Variants in ZRANB3 observed in about 807,000 individuals in gnomAD.
ZRANB3 encodes the protein DNA annealing helicase and endonuclease ZRANB3.
ZRANB3 carries 125 observed loss-of-function variants against 133.8 expected under a neutral mutation model. That is an observed-to-expected ratio of 0.93 (90% CI 0.81 to 1.08). ZRANB3 has a LOEUF of 1.08. Ranked by LOEUF, ZRANB3 falls within the 50% of genes least tolerant of loss-of-function variation. The pLI is 0.00. For missense variants in ZRANB3, 1,229 were observed against 1,275.5 expected (o/e 0.96, Z 0.56); for synonymous variants, 387 against 432.7 (o/e 0.89, Z 1.31).
At chr2:135,411,311 G>T (rs1227062008) in intron 2 of ZRANB3, among the ~76,000 whole-genome samples, 1 of 152,080 alleles carries the variant, frequency 6.6e-6, no homozygotes, top group Non-Finnish European at 1.5e-5. Flanking sequence ...ACTGCTGAGG[G>T]GGGAGGTGAG....
intron 1 of ZRANB3, among the ~76,000 whole-genome samples, chr2:135,525,288 C>A (rs1308557954): frequency 6.6e-6 from 1 of 151,950 alleles, no homozygotes; most frequent in African/African-American, 2.4e-5. Flanking sequence ...ATATAATGAA[C>A]CATCACCTTT....
intron 2 of ZRANB3, among the ~76,000 whole-genome samples, chr2:135,397,422 T>G (rs946622323): frequency 1.6e-4 from 24 of 146,546 alleles, no homozygotes; most frequent in Middle Eastern, 3.6e-3. Context: ...CACTTCAGCC[T>G]GGGCAAGAAA....
intron 8 of ZRANB3, among the ~76,000 whole-genome samples, chr2:135,298,317 T>C (rs184876220): frequency 6.6e-6 from 1 of 152,346 alleles, no homozygotes; most frequent in African/African-American, 2.4e-5. Context: ...ATTCTTTTTC[T>C]GGCACTTCAG....
rs544689902 is a variant in ZRANB3 at position 135,299,594 on chromosome 2, C to T, written c.966+13895G>A. Among the ~76,000 whole-genome samples the T allele has an allele frequency of 1.8e-4, 27 of 152,242 alleles. No individual in the cohort carries two copies. In the East Asian group the frequency reaches 1.9e-3, roughly 11 times the overall value. The stretch of plus-strand genomic sequence containing the variant: ...CAGTTCCACTGGAAGCCCTCCCTAT[C>T]GTCATTATTTACTATTTATCATTAC... On this transcript the variant is annotated intron_variant, in intron 8 of 20. Coordinates refer to ENST00000264159, the MANE Select transcript of ZRANB3 (RefSeq NM_032143.4).
At chr2:135,352,225 G>A (rs189036882) in intron 4 of ZRANB3, among the ~76,000 whole-genome samples, 78 of 151,870 alleles carry the variant, frequency 5.1e-4, no homozygotes, top group Non-Finnish European at 7.4e-5. Flanking sequence ...CCAGCTACTC[G>A]GGAGGCTGAG....
intron 2 of ZRANB3, among the ~76,000 whole-genome samples, chr2:135,491,564 A>G (rs1327426098): frequency 1.3e-5 from 2 of 151,702 alleles, no homozygotes; most frequent in Non-Finnish European, 2.9e-5. Flanking sequence ...CCCAGGCTGG[A>G]GTGCAGTGGC....
chr2:135,520,205 G>A (rs192863782), intron 1 of ZRANB3, among the ~76,000 whole-genome samples: 257 of 151,548 alleles, frequency 1.7e-3, no homozygotes, highest in African/African-American at 5.9e-3. Flanking sequence ...CAAACATAGC[G>A]AAAACCCATC....
intron 8 of ZRANB3, among the ~76,000 whole-genome samples, chr2:135,284,878 T>A (rs190486959): frequency 6.3e-4 from 95 of 151,306 alleles, no homozygotes; most frequent in Admixed American, 3.3e-4. Flanking sequence ...AGAGTTTTGC[T>A]CTTGTTGCCT....
chr2:135,219,373 C>G (rs1418184094), intron 15 of ZRANB3, among the ~76,000 whole-genome samples, 195 bp from the exon 16 acceptor site: 2 of 152,242 alleles, frequency 1.3e-5, no homozygotes. Context: ...GAGGCAGGCT[C>G]TCTACCGCAC....
intron 2 of ZRANB3, among the ~76,000 whole-genome samples, chr2:135,437,506 T>C (rs756759844): frequency 6.6e-6 from 1 of 152,174 alleles, no homozygotes; most frequent in Admixed American, 6.5e-5. Context: ...ATTTGGGCAA[T>C]ACATATTTCC....
At chr2:135,243,687 C>G (rs958457305) in intron 12 of ZRANB3, among the ~76,000 whole-genome samples, 7 of 152,194 alleles carry the variant, frequency 4.6e-5, no homozygotes, top group Admixed American at 2.6e-4. Flanking sequence ...GGTGTGATCA[C>G]AGCTCACTGC....
chr2:135,308,303 C>T (rs2104817354), intron 8 of ZRANB3, among the ~76,000 whole-genome samples: 1 of 152,226 alleles, frequency 6.6e-6, no homozygotes, highest in Middle Eastern at 3.4e-3. Context: ...GTCCCTATCC[C>T]ATCACCAGAA....
chr2:135,209,520 C>A (rs933238296), intron 17 of ZRANB3, among the ~76,000 whole-genome samples: 5 of 152,170 alleles, frequency 3.3e-5, no homozygotes, highest in African/African-American at 1.2e-4. Flanking sequence ...TCAGCCCATA[C>A]AGGGTTTATG....
intron 3 of ZRANB3, among the ~76,000 whole-genome samples, chr2:135,387,853 A>G (rs1457698221): frequency 6.6e-6 from 1 of 152,224 alleles, no homozygotes; most frequent in Non-Finnish European, 1.5e-5. Context: ...AGTGCTATGT[A>G]ATTGTAAATC....
intron 1 of ZRANB3, among the ~76,000 whole-genome samples, chr2:135,523,343 C>A (rs1227864441): frequency 1.3e-5 from 2 of 152,230 alleles, no homozygotes; most frequent in Non-Finnish European, 2.9e-5. Context: ...CAGCTCCCAA[C>A]TGGACTCCTC....
chr2:135,522,739 G>C (rs1404656377), intron 1 of ZRANB3, among the ~76,000 whole-genome samples: 2 of 152,104 alleles, frequency 1.3e-5, no homozygotes, highest in African/African-American at 4.8e-5. Context: ...AAAAGTTTTA[G>C]AAAATCCTAA....
At chr2:135,306,627 C>T (rs1213718295) in intron 8 of ZRANB3, among the ~76,000 whole-genome samples, 8 of 148,308 alleles carry the variant, frequency 5.4e-5, no homozygotes, top group Non-Finnish European at 8.9e-5. Context: ...CTCACTCTGT[C>T]GCCCAGGCTG....
intron 3 of ZRANB3, among the ~76,000 whole-genome samples, chr2:135,385,627 T>C (rs1370956819): frequency 6.6e-6 from 1 of 152,176 alleles, no homozygotes; most frequent in Non-Finnish European, 1.5e-5. Flanking sequence ...ATGGTAGTGG[T>C]ACCAAAACAG....
chr2:135,383,185 C>A (rs891004166), intron 3 of ZRANB3, among the ~76,000 whole-genome samples: 1 of 151,930 alleles, frequency 6.6e-6, no homozygotes, highest in African/African-American at 2.4e-5. Flanking sequence ...AAAAAGGCAG[C>A]AGTTGCAATC....
Sources: gnomAD v4.1 joint callset for allele counts (sites outside exome capture counted in the v4.1 genomes callset) on GRCh38, gnomAD v4.1.1 for gene constraint, MANE v1.5 for transcripts, NCBI Gene and HGNC (gene_info 2026-07-23, HGNC 2026-07-21) for gene names.